Variants in MARK1 observed in about 807,000 individuals in gnomAD.
The protein encoded by MARK1 is microtubule affinity regulating kinase 1.
Under a neutral mutation model 96.3 loss-of-function variants are expected in MARK1, and 40 were observed. The observed-to-expected ratio is 0.42, with a 90% CI of 0.32 to 0.54. The LOEUF (loss-of-function observed/expected upper bound fraction) is 0.54, where lower values mean the gene tolerates loss of function less well. Among genes scored for constraint, MARK1 ranks in the 20% least tolerant of loss-of-function variants. MARK1 has a pLI of 0.16. For missense variants in MARK1, 719 were observed against 984.6 expected (o/e 0.73, Z 3.61); for synonymous variants, 317 against 341.2 (o/e 0.93, Z 0.78).
Position 220,653,244 on chromosome 1 carries a change from A to G in MARK1, c.1880A>G (p.Tyr627Cys). Residue 627 changes from tyrosine to cysteine, a missense_variant, in exon 16 of 18, where the codon TAT becomes TGT. By Grantham distance (194) the Tyr-to-Cys change is radical (BLOSUM62 -2). Around this residue, in one of 4 missense-constraint regions of MARK1, gnomAD observed 501 missense variants for 588.3 expected, o/e 0.85. Transcript: ENST00000366917. ...CTCCGGGAGCGACGCAGCGTTGCTT[A>G]TAATGGGCCACCTGCTTCACCATCC... is the stretch of plus-strand genomic sequence containing the variant. Reference protein sequence around the residue: ...EQLRERRSVAYNGPPASPSHE... With the variant: ...EQLRERRSVACNGPPASPSHE... The G allele has an allele frequency of 1.2e-6, 2 of 1,614,220 alleles. No individual in the cohort carries two copies. The highest frequency in any genetic ancestry group is 2.2e-5 in the East Asian group (1 of 44,880).
chr1:220,611,966 C>T (rs1229002203), intron 6 of MARK1, among the ~76,000 whole-genome samples: 2 of 152,156 alleles, frequency 1.3e-5, no homozygotes, highest in African/African-American at 4.8e-5. Flanking sequence ...CTCCTGACCT[C>T]AGGTGATCTG....
At chr1:220,639,021 C>T (rs114699640) in intron 13 of MARK1, among the ~76,000 whole-genome samples, 1,845 of 152,196 alleles carry the variant, frequency 0.012, 38 homozygotes, top group African/African-American at 0.041. Context: ...TGGAGGAAGG[C>T]TTGCTTGAGG....
chr1:220,604,276 ACTC>A (rs1170881717), intron 6 of MARK1, 139 bp downstream of exon 6: 3 of 478,600 alleles, frequency 6.3e-6, no homozygotes, highest in South Asian at 5.2e-5. Flanking sequence ...AGGATGGAAA[ACTC>A]CTAAAAAATA....
At chr1:220,557,092 C>T (rs569433239) in intron 1 of MARK1, among the ~76,000 whole-genome samples, 4 of 152,112 alleles carry the variant, frequency 2.6e-5, no homozygotes, top group Middle Eastern at 6.8e-3. Context: ...AGATTCATAC[C>T]TATGGAATGG....
At chr1:220,606,803 G>A (rs1433405025) in intron 6 of MARK1, among the ~76,000 whole-genome samples, 1 of 152,018 alleles carries the variant, frequency 6.6e-6, no homozygotes, top group Non-Finnish European at 1.5e-5. Context: ...TCTTGTTTTT[G>A]TCAGGTTTGT....
intron 6 of MARK1, among the ~76,000 whole-genome samples, chr1:220,614,888 A>G (rs1194493201): frequency 6.6e-6 from 1 of 152,116 alleles, no homozygotes; most frequent in Non-Finnish European, 1.5e-5. Context: ...GTTTACTTGT[A>G]CTTTGAAGTT....
intron 13 of MARK1, among the ~76,000 whole-genome samples, chr1:220,639,733 G>A (rs547539139): frequency 2.0e-5 from 3 of 152,242 alleles, no homozygotes; most frequent in Non-Finnish European, 2.9e-5. Context: ...GCTCTGATGT[G>A]TCTTAGTATA....
At chr1:220,625,377 A>G (rs543747126) in intron 9 of MARK1, among the ~76,000 whole-genome samples, 3 of 152,344 alleles carry the variant, frequency 2.0e-5, no homozygotes, top group Non-Finnish European at 4.4e-5. Flanking sequence ...GGTGCTGGAT[A>G]TGCAATATTG....
At chr1:220,532,259 C>T (rs1196291048) in intron 1 of MARK1, among the ~76,000 whole-genome samples, 1 of 152,114 alleles carries the variant, frequency 6.6e-6, no homozygotes, top group Admixed American at 6.5e-5. Context: ...CTAAGGTTGC[C>T]ATCAGTAGTT....
rs1355256189 is a variant in MARK1, at chr1:220,579,470, C to T, written c.168C>T (p.His56=). ...SITSATDEQP[H]IGNYRLQKTI... ...CGTCAGCAACAGATGAACAGCCTCA[C>T]ATTGGAAATTACCGTTTACAAAAAA... Residue 56 remains histidine (H), a synonymous_variant, in exon 2 of 18, where the codon CAC becomes CAT. Transcript: ENST00000366917. 1.2e-6 allele frequency: 2 copies of T among 1,614,046 alleles called. No individual in the cohort carries two copies. The highest frequency in any genetic ancestry group is 8.5e-7 in the Non-Finnish European group (1 of 1,179,956).
chr1:220,598,058 G>A (rs1207184596), intron 3 of MARK1, among the ~76,000 whole-genome samples: 1 of 152,014 alleles, frequency 6.6e-6, no homozygotes, highest in Non-Finnish European at 1.5e-5. Context: ...ACTGTGTATA[G>A]TGTATTCACA....
At chr1:220,585,670 C>T (rs562337565) in intron 3 of MARK1, among the ~76,000 whole-genome samples, 4 of 152,258 alleles carry the variant, frequency 2.6e-5, no homozygotes, top group Non-Finnish European at 5.9e-5. Context: ...AACTTCCAGT[C>T]TTTCACGTTT....
intron 13 of MARK1, among the ~76,000 whole-genome samples, chr1:220,647,909 C>T (rs545471361): frequency 4.3e-4 from 65 of 151,974 alleles, no homozygotes; most frequent in Non-Finnish European, 6.2e-4. Flanking sequence ...GCGGAGGTCG[C>T]GGGAGAGCAT....
At chr1:220,635,692 A>AT in intron 12 of MARK1, 141 bp from the exon 13 acceptor site, 1 of 1,133,904 alleles carries the variant, frequency 8.8e-7, no homozygotes, top group South Asian at 1.7e-5. Context: ...GACTGACCTG[A>AT]TTTTTGAAAT....
intron 13 of MARK1, 75 bp from the exon 14 acceptor site, chr1:220,650,545 C>A: frequency 2.2e-6 from 2 of 893,564 alleles, no homozygotes; most frequent in South Asian, 1.6e-5. Flanking sequence ...TTCTCAAAGT[C>A]AGCTTAAATA....
chr1:220,580,240 T>C (rs745978330), intron 2 of MARK1, among the ~76,000 whole-genome samples: 12 of 151,870 alleles, frequency 7.9e-5, no homozygotes, highest in Non-Finnish European at 1.6e-4. Context: ...CTCAGCACCT[T>C]GGGAGGCTGA....
intron 1 of MARK1, among the ~76,000 whole-genome samples, chr1:220,572,401 C>T (rs1488840369): frequency 6.6e-6 from 1 of 152,024 alleles, no homozygotes; most frequent in Non-Finnish European, 1.5e-5. Context: ...GCCACCACAC[C>T]TGGCTAATTT....
chr1:220,555,137 C>T (rs534331562), intron 1 of MARK1, among the ~76,000 whole-genome samples: 6 of 152,136 alleles, frequency 3.9e-5, no homozygotes, highest in South Asian at 2.1e-4. Context: ...CAGTCCAAAA[C>T]GTCATTGATC....
chr1:220,623,837 A>T (rs1246996935), intron 9 of MARK1, among the ~76,000 whole-genome samples: 1 of 152,182 alleles, frequency 6.6e-6, no homozygotes, highest in Non-Finnish European at 1.5e-5. Context: ...TGTTCCTCAC[A>T]TCCTTCTGCC....
Sources: gnomAD v4.1 joint callset for allele counts (sites outside exome capture counted in the v4.1 genomes callset) on GRCh38, gnomAD v4.1.1 for gene constraint, gnomAD v4.1.1 regional missense constraint, MANE v1.5 for transcripts, NCBI Gene and HGNC (gene_info 2026-07-23, HGNC 2026-07-21) for gene names.